Variants in TBC1D5 observed in about 807,000 individuals in gnomAD.
TBC1D5 encodes the protein TBC1 domain family, member 5.
In TBC1D5, 75 loss-of-function variants were observed where a neutral mutation model predicts 100.3. That is an observed-to-expected ratio of 0.75 (90% CI 0.62 to 0.91). The LOEUF (loss-of-function observed/expected upper bound fraction) is 0.91, where lower values mean the gene tolerates loss of function less well. TBC1D5 is among the 40% of genes least tolerant of loss of function. TBC1D5 has a pLI of 0.00. For missense variants in TBC1D5, 910 were observed against 942.4 expected, an observed-to-expected ratio of 0.97 and a Z score of 0.45; for synonymous variants, 323 against 325.6, an observed-to-expected ratio of 0.99 and a Z score of 0.09.
rs79260627 is a variant in TBC1D5, at chr3:17,326,988, C to G, written c.996-18854G>C. The stretch of plus-strand genomic sequence containing the variant: ...TGTACCTTCAAAATACATTCAGAAT[C>G]TAACCACCTTTCACCAACTATACTG... On this transcript the variant is annotated intron_variant, in intron 13 of 21. Transcript: ENST00000253692. 3.4e-3 allele frequency among the ~76,000 whole-genome samples: 516 copies of G among 152,304 alleles called. 2 individuals carry two copies. The highest frequency in any genetic ancestry group is 0.012 in the African/African-American group (503 of 41,566).
chr3:17,607,162 C>A (rs1367917648), intron 2 of TBC1D5, among the ~76,000 whole-genome samples: 1 of 152,124 alleles, frequency 6.6e-6, no homozygotes, highest in East Asian at 1.9e-4. Context: ...AATTGTTAAA[C>A]CTTCATTATG....
intron 18 of TBC1D5, among the ~76,000 whole-genome samples, chr3:17,205,667 C>T (rs916872166): frequency 2.6e-5 from 4 of 152,134 alleles, no homozygotes; most frequent in Non-Finnish European, 5.9e-5. Flanking sequence ...CTTCTCCTTA[C>T]CAGAGATTGG....
chr3:17,323,837 A>G (rs1176631599), intron 13 of TBC1D5, among the ~76,000 whole-genome samples: 2 of 152,200 alleles, frequency 1.3e-5, no homozygotes, highest in African/African-American at 4.8e-5. Flanking sequence ...CTAAAATGTG[A>G]ATTGAAGAGC....
intron 1 of TBC1D5, among the ~76,000 whole-genome samples, chr3:17,664,575 A>C (rs1577322517): frequency 1.3e-5 from 2 of 152,264 alleles, no homozygotes; most frequent in South Asian, 4.1e-4. Context: ...ATGGGGAGGG[A>C]GAGAGGGACA....
chr3:17,659,369 A>G (rs2066429463), intron 1 of TBC1D5, among the ~76,000 whole-genome samples: 1 of 152,162 alleles, frequency 6.6e-6, no homozygotes, highest in African/African-American at 2.4e-5. Context: ...CAGAATAAGA[A>G]GAGCTGATTC....
chr3:17,571,628 G>C (rs1400597787), intron 2 of TBC1D5, among the ~76,000 whole-genome samples: 1 of 151,664 alleles, frequency 6.6e-6, no homozygotes, highest in Non-Finnish European at 1.5e-5. Context: ...CTCTTTCTCT[G>C]TGTTAATCAA....
rs567714105 is a variant in TBC1D5 at position 17,711,492 on chromosome 3, C to T, written c.-101+27851G>A. On this transcript the variant is annotated intron_variant, in intron 1 of 21. Coordinates refer to ENST00000253692, the Ensembl canonical transcript of TBC1D5. ...CCCTCATACATAGATAATCATTATC[C>T]CAAATTTTATCTTAATCATACCCTT... Among the ~76,000 whole-genome samples the T allele has an allele frequency of 3.3e-5, 5 of 152,108 alleles. No homozygotes were observed. The East Asian group carries it at 9.7e-4, about 29-fold the overall frequency.
At chr3:17,288,297 T>G (rs1166947893) in intron 15 of TBC1D5, among the ~76,000 whole-genome samples, 1 of 152,222 alleles carries the variant, frequency 6.6e-6, no homozygotes, top group African/African-American at 2.4e-5. Context: ...AGCACTGGGT[T>G]GGACCTCGTT....
chr3:17,609,741 C>A (rs2061550820), intron 2 of TBC1D5, among the ~76,000 whole-genome samples: 1 of 152,190 alleles, frequency 6.6e-6, no homozygotes, highest in South Asian at 2.1e-4. Context: ...AAGGACACAA[C>A]ACCCAAGAGA....
chr3:17,227,116 G>A (rs1413574973), intron 17 of TBC1D5, among the ~76,000 whole-genome samples: 2 of 152,090 alleles, frequency 1.3e-5, no homozygotes, highest in African/African-American at 4.8e-5. Flanking sequence ...GGTAGCAAAA[G>A]CGAACACTGA....
chr3:17,361,083 T>A (rs17043493), intron 13 of TBC1D5, among the ~76,000 whole-genome samples: 2 of 151,970 alleles, frequency 1.3e-5, no homozygotes, highest in Non-Finnish European at 2.9e-5. Flanking sequence ...TTGGAAATCA[T>A]TGGTTTCTCA....
intron 13 of TBC1D5, among the ~76,000 whole-genome samples, chr3:17,362,630 C>T (rs1473524335): frequency 6.6e-6 from 1 of 152,056 alleles, no homozygotes; most frequent in African/African-American, 2.4e-5. Flanking sequence ...TGCCACCTCA[C>T]ATGACTAAGT....
At chr3:17,459,834 T>C (rs897349449) in intron 3 of TBC1D5, among the ~76,000 whole-genome samples, 1 of 152,160 alleles carries the variant, frequency 6.6e-6, no homozygotes, top group Non-Finnish European at 1.5e-5. Flanking sequence ...TGAAGGCACA[T>C]GTCTTAGAAA....
At chr3:17,371,631 A>G (rs1052066424) in intron 13 of TBC1D5, among the ~76,000 whole-genome samples, 1 of 152,226 alleles carries the variant, frequency 6.6e-6, no homozygotes, top group Admixed American at 6.5e-5. Context: ...AGCACTGAGC[A>G]TGCACATAGA....
rs1457430013 is a variant in TBC1D5, at chr3:17,284,111, C to CACACACACACACACACACAT, written c.1245+7783_1245+7784insATGTGTGTGTGTGTGTGTGT. 1.7e-3 allele frequency among the ~76,000 whole-genome samples: 259 copies of CACACACACACACACACACAT among 150,976 alleles called. 1 individual carries two copies. The highest frequency in any genetic ancestry group is 5.7e-3 in the African/African-American group (234 of 40,770). On this transcript the variant is annotated intron_variant, in intron 15 of 21. Transcript: ENST00000253692. Reference sequence around the variant, plus strand: ...TTTTACACACACACACACACACACACACACACACACACGTATTTTTAATTT... The same window carrying CACACACACACACACACACAT: ...TTTTACACACACACACACACACACACACACACACACACACACACATACACACACACACGTATTTTTAATTT...
chr3:17,241,644 C>T (rs189992465), intron 16 of TBC1D5, among the ~76,000 whole-genome samples: 1 of 152,310 alleles, frequency 6.6e-6, no homozygotes, highest in Admixed American at 6.5e-5. Context: ...AGAATATCCT[C>T]AAAATACCTG....
intron 21 of TBC1D5, among the ~76,000 whole-genome samples, chr3:17,165,992 A>T (rs1239106589): frequency 6.6e-6 from 1 of 152,182 alleles, no homozygotes; most frequent in Non-Finnish European, 1.5e-5. Context: ...TAGGCACATA[A>T]GGAAGCTGTA....
At chr3:17,389,460 C>T (rs1167244285) in intron 8 of TBC1D5, among the ~76,000 whole-genome samples, 1 of 152,154 alleles carries the variant, frequency 6.6e-6, no homozygotes, top group Non-Finnish European at 1.5e-5. Flanking sequence ...AACACAGCTT[C>T]TGTCTGGCTC....
chr3:17,590,825 A>C (rs2096762095), intron 2 of TBC1D5, among the ~76,000 whole-genome samples: 1 of 152,148 alleles, frequency 6.6e-6, no homozygotes, highest in African/African-American at 2.4e-5. Context: ...TTTGGCATTG[A>C]CTAATTAATC....
Sources: gnomAD v4.1 joint callset for allele counts (sites outside exome capture counted in the v4.1 genomes callset) on GRCh38, gnomAD v4.1.1 for gene constraint, MANE v1.5 for transcripts, NCBI Gene and HGNC (gene_info 2026-07-23, HGNC 2026-07-21) for gene names.